The following SEMA5A variants were observed in gnomAD, a reference collection of about 807,000 sequenced individuals.
SEMA5A encodes the protein semaphorin 5A.
SEMA5A carries 55 observed loss-of-function variants against 135.5 expected under a neutral mutation model. That is an observed-to-expected ratio of 0.41 (90% confidence interval 0.33 to 0.51). The LOEUF (loss-of-function observed/expected upper bound fraction) is 0.51. SEMA5A is among the 20% of genes least tolerant of loss of function. The pLI, the probability that SEMA5A is intolerant of heterozygous loss-of-function variation, is 0.37. For synonymous variants in SEMA5A, 580 were observed against 546.5 expected, an observed-to-expected ratio of 1.06 and a Z score of -0.85; for missense variants, 1,290 against 1,419.9, an observed-to-expected ratio of 0.91 and a Z score of 1.47.
At chr5:9,416,450 G>A (rs1757287097) in intron 2 of SEMA5A, among the ~76,000 whole-genome samples, 1 of 152,118 alleles carries the variant, frequency 6.6e-6, no homozygotes, top group South Asian at 2.1e-4. Context: ...AGCCTCTGGT[G>A]GGGTGGTGCG....
At chr5:9,315,666 G>A (rs1157931907) in intron 5 of SEMA5A, among the ~76,000 whole-genome samples, 2 of 152,084 alleles carry the variant, frequency 1.3e-5, no homozygotes, top group African/African-American at 4.8e-5. Context: ...GTATCTGATG[G>A]TTCCTCATGA....
At chr5:9,240,704 C>T (rs1230215307) in intron 5 of SEMA5A, among the ~76,000 whole-genome samples, 2 of 152,002 alleles carry the variant, frequency 1.3e-5, no homozygotes, top group Non-Finnish European at 2.9e-5. Context: ...CTTCTAGATC[C>T]ATTCTAATGA....
chr5:9,276,287 C>A (rs536564180), intron 5 of SEMA5A, among the ~76,000 whole-genome samples: 1 of 152,242 alleles, frequency 6.6e-6, no homozygotes, highest in South Asian at 2.1e-4. Context: ...GAACAACAAA[C>A]CACTGCTCAA....
intron 2 of SEMA5A, among the ~76,000 whole-genome samples, chr5:9,404,477 G>C (rs1756798315): frequency 6.6e-6 from 1 of 152,176 alleles, no homozygotes. Flanking sequence ...ATCGCAGCCT[G>C]GGTGCCCATA....
chr5:9,243,968 G>A (rs1748346254), intron 5 of SEMA5A, among the ~76,000 whole-genome samples: 1 of 152,134 alleles, frequency 6.6e-6, no homozygotes, highest in African/African-American at 2.4e-5. Flanking sequence ...TTGGCATTCA[G>A]TAAATATTAA....
intron 12 of SEMA5A, among the ~76,000 whole-genome samples, chr5:9,150,971 C>G (rs1027700962): frequency 2.6e-5 from 4 of 152,144 alleles, no homozygotes; most frequent in Admixed American, 1.3e-4. Flanking sequence ...GCAGAAACAA[C>G]CAGTAATACA....
intron 2 of SEMA5A, among the ~76,000 whole-genome samples, chr5:9,395,244 C>T (rs750507265): frequency 6.6e-6 from 1 of 152,062 alleles, no homozygotes; most frequent in Non-Finnish European, 1.5e-5. Context: ...ACCATTGCTG[C>T]AGTACGGAAA....
chr5:9,263,288 T>C (rs1749503208), intron 5 of SEMA5A, among the ~76,000 whole-genome samples: 1 of 152,164 alleles, frequency 6.6e-6, no homozygotes, highest in African/African-American at 2.4e-5. Context: ...CCATGGCCTG[T>C]TAGGAACCAG....
chr5:9,299,055 G>A (rs776803082), intron 5 of SEMA5A, among the ~76,000 whole-genome samples: 1 of 152,158 alleles, frequency 6.6e-6, no homozygotes, highest in African/African-American at 2.4e-5. Context: ...ATTAAAAGCA[G>A]AGTGAGTTAG....
rs375140829 is a variant in SEMA5A, at chr5:9,520,394, G to A, written c.-175+25190C>T. 2.6e-5 allele frequency among the ~76,000 whole-genome samples: 4 copies of A among 152,192 alleles called. No homozygotes were observed. The East Asian group carries it at 7.7e-4, about 29-fold the overall frequency. ...TGGCGTGCTGGGAATAGGGCAGGGAGGGAGTCGCTGAAATGGAGTGAGGGG... is the reference window on the plus strand; with the variant it reads ...TGGCGTGCTGGGAATAGGGCAGGGAAGGAGTCGCTGAAATGGAGTGAGGGG... On this transcript the variant is annotated intron_variant, in intron 1 of 22. Transcript: ENST00000382496.
intron 15 of SEMA5A, among the ~76,000 whole-genome samples, 164 bp from the exon 16 acceptor site, chr5:9,108,451 G>A (rs573802674): frequency 1.3e-5 from 2 of 152,280 alleles, no homozygotes; most frequent in African/African-American, 4.8e-5. Context: ...GGCAGATGTG[G>A]TGCTGGCCAT....
At chr5:9,296,988 A>G (rs1253451956) in intron 5 of SEMA5A, among the ~76,000 whole-genome samples, 1 of 151,748 alleles carries the variant, frequency 6.6e-6, no homozygotes, top group Non-Finnish European at 1.5e-5. Flanking sequence ...AAACTTCTTG[A>G]TCTCTTTCTG....
chr5:9,117,266 T>C (rs544799634), intron 15 of SEMA5A, among the ~76,000 whole-genome samples: 5 of 152,324 alleles, frequency 3.3e-5, no homozygotes, highest in African/African-American at 1.2e-4. Flanking sequence ...CCTTCCTGTG[T>C]GATCAGCCTG....
At chr5:9,446,358 C>T (rs547036316) in intron 1 of SEMA5A, among the ~76,000 whole-genome samples, 92 of 152,174 alleles carry the variant, frequency 6.0e-4, no homozygotes, top group African/African-American at 2.1e-3. Flanking sequence ...TTTATTAAAG[C>T]AAACAGGTTG....
intron 12 of SEMA5A, among the ~76,000 whole-genome samples, 162 bp from the exon 13 acceptor site, chr5:9,136,783 A>T (rs1042277605): frequency 5.9e-5 from 9 of 152,154 alleles, no homozygotes; most frequent in African/African-American, 2.2e-4. Context: ...CTATCTGCAC[A>T]CTCCAGTAAG....
intron 6 of SEMA5A, among the ~76,000 whole-genome samples, chr5:9,233,888 A>G (rs1747765898): frequency 6.6e-6 from 1 of 152,174 alleles, no homozygotes; most frequent in Admixed American, 6.5e-5. Flanking sequence ...CATTATGTGC[A>G]GAAGCACAGA....
chr5:9,097,698 T>TCTCAGTCACTCTCAGAGTGTTA lies in SEMA5A; in HGVS notation c.2073+10441_2073+10442insTAACACTCTGAGAGTGACTGAG, dbSNP rs776885759. Among the ~76,000 whole-genome samples, 201 of 152,274 alleles carry TCTCAGTCACTCTCAGAGTGTTA rather than the reference T, an allele frequency of 1.3e-3. 1 individual carries two copies. Among genetic ancestry groups the TCTCAGTCACTCTCAGAGTGTTA allele is most frequent in the Non-Finnish European group, 2.0e-3 (138 of 68,012 alleles). On this transcript the variant is annotated intron_variant, in intron 16 of 22. Coordinates refer to ENST00000382496, the MANE Select transcript of SEMA5A (RefSeq NM_003966.3). ...GATCCTGGGGTGGGGAGAGTGTTACTCTCACTCAGTCATGGCCCAAGTGCC... is the reference window on the plus strand; with the variant it reads ...GATCCTGGGGTGGGGAGAGTGTTACTCTCAGTCACTCTCAGAGTGTTACTCACTCAGTCATGGCCCAAGTGCC...
chr5:9,424,561 T>TATCTGTC lies in SEMA5A; in HGVS notation c.-78+13188_-78+13194dup, dbSNP rs555201564. Among the ~76,000 whole-genome samples, 211 of 152,338 alleles carry TATCTGTC rather than the reference T, an allele frequency of 1.4e-3. 2 individuals are homozygous for TATCTGTC. The highest frequency in any genetic ancestry group is 4.7e-3 in the African/African-American group (197 of 41,574). ...CATTCCTCGATAGCCCACACTTGTGTATCTGTCTACTCTCTAGACCCGATG... is the reference window on the plus strand; with the variant it reads ...CATTCCTCGATAGCCCACACTTGTGTATCTGTCATCTGTCTACTCTCTAGACCCGATG... On this transcript the variant is annotated intron_variant, in intron 2 of 22. Coordinates refer to ENST00000382496, the MANE Select transcript of SEMA5A (RefSeq NM_003966.3).
At chr5:9,193,758 C>T (rs1045930730) in intron 10 of SEMA5A, among the ~76,000 whole-genome samples, 2 of 152,024 alleles carry the variant, frequency 1.3e-5, no homozygotes, top group Admixed American at 1.3e-4. Context: ...AAATGCCTGG[C>T]GTGGTGGTGG....
Sources: allele counts gnomAD v4.1 joint callset (sites outside exome capture counted in the v4.1 genomes callset), GRCh38; gene constraint gnomAD v4.1.1; transcripts MANE v1.5; gene names NCBI Gene and HGNC (gene_info 2026-07-23, HGNC 2026-07-21).